RALYL: variants seen among roughly 807,000 people sequenced by gnomAD.
The protein encoded by RALYL is RNA-binding Raly-like protein.
Under a neutral mutation model 35.1 loss-of-function variants are expected in RALYL, and 29 were observed. That is an observed-to-expected ratio of 0.83 (90% confidence interval 0.61 to 1.13). The LOEUF (loss-of-function observed/expected upper bound fraction) is 1.13. Ranked by LOEUF, RALYL falls within the 50% of genes most tolerant of loss-of-function variation. The probability of loss-of-function intolerance (pLI) is 0.00; values close to 1 mark genes in which losing one functional copy is unlikely to be tolerated. For missense variants in RALYL, 359 were observed against 360.4 expected, an observed-to-expected ratio of 1.00 and a Z score of 0.03; for synonymous variants, 120 against 127.6, an observed-to-expected ratio of 0.94 and a Z score of 0.40.
chr8:84,342,276 CAATA>C (rs774492994), intron 1 of RALYL, among the ~76,000 whole-genome samples: 3 of 56,798 alleles, frequency 5.3e-5, no homozygotes, highest in African/African-American at 1.0e-4. Flanking sequence ...GAGCATCGTT[CAATA>C]TATATATATA....
At chr8:84,515,271 G>A (rs892891061) in intron 1 of RALYL, among the ~76,000 whole-genome samples, 2 of 152,092 alleles carry the variant, frequency 1.3e-5, no homozygotes, top group African/African-American at 2.4e-5. Context: ...TATGCATGAA[G>A]GGAATCACTC....
At chr8:84,342,553 A>G (rs1046407293) in intron 1 of RALYL, among the ~76,000 whole-genome samples, 1 of 151,800 alleles carries the variant, frequency 6.6e-6, no homozygotes, top group Non-Finnish European at 1.5e-5. Flanking sequence ...GTTTCTTTCC[A>G]AATGATGATG....
At chr8:84,423,731 T>G (rs1336417487) in intron 1 of RALYL, among the ~76,000 whole-genome samples, 1 of 151,846 alleles carries the variant, frequency 6.6e-6, no homozygotes. Context: ...AGGAGCTCTT[T>G]TAGGGCAGGC....
chr8:84,424,840 G>A (rs1245539354), intron 1 of RALYL, among the ~76,000 whole-genome samples: 1 of 151,964 alleles, frequency 6.6e-6, no homozygotes, highest in Admixed American at 6.5e-5. Flanking sequence ...CTGCTGGGGG[G>A]TGCCTCCCAG....
At chr8:84,637,799 C>A (rs1825390211) in intron 2 of RALYL, among the ~76,000 whole-genome samples, 1 of 151,790 alleles carries the variant, frequency 6.6e-6, no homozygotes, top group African/African-American at 2.4e-5. Flanking sequence ...GGTCTCCATG[C>A]ATGGTCTGTT....
At chr8:84,298,959 G>A (rs540650331) in intron 1 of RALYL, among the ~76,000 whole-genome samples, 36 of 152,114 alleles carry the variant, frequency 2.4e-4, no homozygotes, top group South Asian at 1.2e-3. Context: ...GAGCTTTTGC[G>A]AAGAGACTAT....
intron 6 of RALYL, chr8:84,873,072 C>T (rs777434210): frequency 2.0e-5 from 8 of 398,766 alleles, no homozygotes; most frequent in Admixed American, 8.8e-5. Flanking sequence ...TAGGATTAAA[C>T]GCTCATGTCA....
chr8:84,529,042 T>G (rs1016428537), intron 1 of RALYL, among the ~76,000 whole-genome samples: 5 of 152,192 alleles, frequency 3.3e-5, no homozygotes. Context: ...TGCAAAATAT[T>G]CAGTCATTAA....
At chr8:84,774,253 C>T (rs781674397) in intron 2 of RALYL, among the ~76,000 whole-genome samples, 1 of 152,120 alleles carries the variant, frequency 6.6e-6, no homozygotes, top group African/African-American at 2.4e-5. Context: ...TGATTCTCCT[C>T]ACTTTGCTCA....
rs148602487 is a variant in RALYL at position 84,668,016 on chromosome 8, C to A, written c.257-106563C>A. Among the ~76,000 whole-genome samples, 202 of 152,224 alleles carry A rather than the reference C, an allele frequency of 1.3e-3. 1 individual carries two copies. The highest frequency in any genetic ancestry group is 4.7e-3 in the African/African-American group (196 of 41,544). On this transcript the variant is annotated intron_variant, in intron 2 of 8. Coordinates refer to ENST00000521268, the MANE Select transcript of RALYL (RefSeq NM_173848.7). Reference sequence around the variant, plus strand: ...AGCCTTTTAAAATTCTTTTTCCTTACTATTTTTAATCCTCTAAGGCATATG... The same window carrying A: ...AGCCTTTTAAAATTCTTTTTCCTTAATATTTTTAATCCTCTAAGGCATATG...
intron 4 of RALYL, among the ~76,000 whole-genome samples, chr8:84,816,675 G>T (rs1022940867): frequency 6.6e-6 from 1 of 152,094 alleles, no homozygotes; most frequent in Admixed American, 6.6e-5. Context: ...AAATTAGAAA[G>T]AATGAATAAG....
chr8:84,417,542 T>C (rs1489047632), intron 1 of RALYL, among the ~76,000 whole-genome samples: 2 of 152,122 alleles, frequency 1.3e-5, no homozygotes, highest in African/African-American at 2.4e-5. Flanking sequence ...TTTTTTTTTT[T>C]CTTTTATGAT....
chr8:84,543,666 T>C (rs1160206183), intron 2 of RALYL, among the ~76,000 whole-genome samples: 1 of 152,084 alleles, frequency 6.6e-6, no homozygotes, highest in Non-Finnish European at 1.5e-5. Flanking sequence ...ATTATGACTT[T>C]GGCTTTGACA....
intron 2 of RALYL, among the ~76,000 whole-genome samples, chr8:84,748,313 TCAGTTGA>T (rs1373205011): frequency 2.6e-5 from 4 of 152,022 alleles, no homozygotes; most frequent in African/African-American, 9.7e-5. Context: ...TGTGCAGCTT[TCAGTTGA>T]CATGGTATGA....
rs143309933 is a variant in RALYL, at chr8:84,654,270, C to CATATATATAT, written c.257-120274_257-120265dup. ...CAACGTATATGTATATCTCATGTTC[C>CATATATATAT]ATATATATATATATATATATATATA... On this transcript the variant is annotated intron_variant, in intron 2 of 8. Coordinates refer to ENST00000521268, the MANE Select transcript of RALYL (RefSeq NM_173848.7). Among the ~76,000 whole-genome samples the CATATATATAT allele has an allele frequency of 4.8e-3, 212 of 44,472 alleles. 9 individuals carry two copies. Among genetic ancestry groups the CATATATATAT allele is most frequent in the South Asian group, 9.8e-3 (6 of 610 alleles). The allele number at this position is 44,472 out of a possible 152,430, so 29.2% of individuals were successfully genotyped here.
intron 6 of RALYL, 133 bp downstream of exon 6, chr8:84,862,586 T>C: frequency 1.5e-6 from 1 of 687,268 alleles, no homozygotes; most frequent in Non-Finnish European, 2.1e-6. Context: ...TAGAAAATCA[T>C]AAGATGGATA....
At chr8:84,841,143 A>C (rs1833213436) in intron 4 of RALYL, among the ~76,000 whole-genome samples, 1 of 152,168 alleles carries the variant, frequency 6.6e-6, no homozygotes. Context: ...TAAATGGGCT[A>C]AATGCTCCAA....
intron 2 of RALYL, among the ~76,000 whole-genome samples, chr8:84,724,282 T>C (rs190195360): frequency 6.6e-6 from 1 of 151,922 alleles, no homozygotes; most frequent in East Asian, 1.9e-4. Flanking sequence ...GTAGTCTTCA[T>C]TCACAATTTA....
intron 1 of RALYL, among the ~76,000 whole-genome samples, chr8:84,205,296 AC>A (rs1817805118): frequency 1.3e-5 from 2 of 152,122 alleles, no homozygotes; most frequent in South Asian, 4.1e-4. Context: ...TCCAGGGTCC[AC>A]CCCTCTAATA....
Sources: gnomAD v4.1 joint callset for allele counts (sites outside exome capture counted in the v4.1 genomes callset) on GRCh38, gnomAD v4.1.1 for gene constraint, MANE v1.5 for transcripts, NCBI Gene and HGNC (gene_info 2026-07-23, HGNC 2026-07-21) for gene names.